The following NTM variants were observed in gnomAD, a reference collection of about 807,000 sequenced individuals.
NTM encodes IgLON family member 2.
NTM carries 13 observed loss-of-function variants against 42.1 expected under a neutral mutation model. The observed-to-expected ratio is 0.31, with a 90% CI of 0.20 to 0.49. The LOEUF (loss-of-function observed/expected upper bound fraction) is 0.49, where lower values mean the gene tolerates loss of function less well. Ranked by LOEUF, NTM falls within the 20% of genes least tolerant of loss-of-function variation. The probability of loss-of-function intolerance (pLI) is 0.99; values close to 1 mark genes in which losing one functional copy is unlikely to be tolerated. For synonymous variants in NTM, 187 were observed against 179.2 expected (o/e 1.04, Z -0.35); for missense variants, 373 against 452.8 (o/e 0.82, Z 1.60).
At chr11:131,517,652 T>C (rs1482009522) in intron 1 of NTM, among the ~76,000 whole-genome samples, 1 of 152,258 alleles carries the variant, frequency 6.6e-6, no homozygotes, top group Non-Finnish European at 1.5e-5. Context: ...GTCTAGTTTC[T>C]TCTTTGTGTC....
intron 1 of NTM, among the ~76,000 whole-genome samples, chr11:131,728,607 G>T (rs1179972258): frequency 6.6e-6 from 1 of 152,162 alleles, no homozygotes. Context: ...TCCATTATTG[G>T]AACACTAAGC....
intron 2 of NTM, among the ~76,000 whole-genome samples, chr11:132,112,533 A>G (rs1435790937): frequency 6.6e-6 from 1 of 151,898 alleles, no homozygotes; most frequent in East Asian, 1.9e-4. Flanking sequence ...AGAAAACGAG[A>G]CTCCCAGTGG....
chr11:132,081,589 G>A (rs59768555), intron 2 of NTM, among the ~76,000 whole-genome samples: 40 of 152,026 alleles, frequency 2.6e-4, no homozygotes, highest in Admixed American at 6.5e-4. Flanking sequence ...AAAATTAGCC[G>A]GACGTGGTGG....
At chr11:131,729,207 A>T (rs2079327487) in intron 1 of NTM, among the ~76,000 whole-genome samples, 1 of 152,132 alleles carries the variant, frequency 6.6e-6, no homozygotes, top group Admixed American at 6.5e-5. Context: ...CACGTAAAAG[A>T]TGCCAAAGAG....
chr11:131,807,151 T>C (rs890619125), intron 1 of NTM, among the ~76,000 whole-genome samples: 1 of 152,180 alleles, frequency 6.6e-6, no homozygotes. Flanking sequence ...TGGCTGTGAC[T>C]GAAAGGAGTT....
At chr11:131,902,238 A>C (rs1367657620) in intron 1 of NTM, among the ~76,000 whole-genome samples, 1 of 152,250 alleles carries the variant, frequency 6.6e-6, no homozygotes, top group Admixed American at 6.5e-5. Flanking sequence ...TTTGGGTATT[A>C]GTTTAGCTAG....
chr11:132,079,636 G>A (rs2058776552), intron 2 of NTM, among the ~76,000 whole-genome samples: 2 of 152,084 alleles, frequency 1.3e-5, no homozygotes, highest in Admixed American at 1.3e-4. Flanking sequence ...AATAGAGTTA[G>A]GCTAACTCCT....
chr11:132,065,860 T>G (rs545019013), intron 2 of NTM, among the ~76,000 whole-genome samples: 1 of 152,344 alleles, frequency 6.6e-6, no homozygotes, highest in South Asian at 2.1e-4. Context: ...GTACAGAAAC[T>G]TATCTGTGAG....
chr11:132,008,180 G>A (rs553074066), intron 2 of NTM, among the ~76,000 whole-genome samples: 4 of 152,294 alleles, frequency 2.6e-5, no homozygotes, highest in Admixed American at 6.5e-5. Context: ...GTGGTGGACT[G>A]TTGTCTAAGA....
At chr11:131,917,610 C>T (rs1414259480) in intron 2 of NTM, among the ~76,000 whole-genome samples, 1 of 152,202 alleles carries the variant, frequency 6.6e-6, no homozygotes, top group Non-Finnish European at 1.5e-5. Context: ...CTCTGCTCAT[C>T]CTTTCTCTCT....
At chr11:131,414,996 C>T (rs2135782339) in intron 1 of NTM, among the ~76,000 whole-genome samples, 1 of 152,250 alleles carries the variant, frequency 6.6e-6, no homozygotes, top group South Asian at 2.1e-4. Flanking sequence ...CTAGTGTGAA[C>T]AATTGTGATG....
chr11:131,937,445 G>A (rs971868761), intron 2 of NTM, among the ~76,000 whole-genome samples: 6 of 152,196 alleles, frequency 3.9e-5, no homozygotes, highest in Non-Finnish European at 8.8e-5. Context: ...GACAGGTATT[G>A]GTGGGTGGGG....
intron 1 of NTM, among the ~76,000 whole-genome samples, chr11:131,512,947 A>T (rs1249483723): frequency 1.3e-5 from 2 of 151,056 alleles, no homozygotes; most frequent in Non-Finnish European, 2.9e-5. Context: ...CCGATTATTC[A>T]GTCCTACGCT....
rs566898617 is a variant in NTM at position 132,236,076 on chromosome 11, G to C, written c.526+23929G>C. ...GATAGTTTGAGCCAAATGGCTGTTT[G>C]CAAAATAAAGCCTATGCTTGAAAAT... On this transcript the variant is annotated intron_variant, in intron 4 of 8. Transcript: ENST00000683400. Among the ~76,000 whole-genome samples, 35 of 152,086 alleles carry C rather than the reference G, an allele frequency of 2.3e-4. No homozygotes were observed. The East Asian group carries it at 6.0e-3, about 26-fold the overall frequency.
intron 1 of NTM, among the ~76,000 whole-genome samples, chr11:131,477,782 T>C (rs1453968120): frequency 6.6e-6 from 1 of 151,738 alleles, no homozygotes; most frequent in East Asian, 1.9e-4. Flanking sequence ...CATGTATCAG[T>C]CTACTCCCTG....
intron 2 of NTM, among the ~76,000 whole-genome samples, chr11:132,039,863 A>G (rs536899707): frequency 6.6e-6 from 1 of 152,154 alleles, no homozygotes; most frequent in South Asian, 2.1e-4. Flanking sequence ...TACCATATTC[A>G]CCTCATCGAG....
In NTM at chr11:132,146,703, C is replaced by G. The variant is rs76072586; in HGVS notation, c.400+189C>G. 23,625 of 506,632 alleles carry G rather than the reference C, an allele frequency of 0.047. 891 individuals carry two copies. Among genetic ancestry groups the G allele is most frequent in the African/African-American group, 0.14 (7,331 of 51,994 alleles). The allele number at this position is 506,632 out of a possible 1,614,324, so 31.4% of individuals were successfully genotyped here. ...TTCCAGTCATTTTCATTGAGTGGAA[C>G]TAGGAATTGTTTTTTTCATTTTTGT... is the stretch of plus-strand genomic sequence containing the variant. On this transcript the variant is annotated intron_variant, in intron 3 of 8. Coordinates refer to ENST00000683400, the MANE Select transcript of NTM (RefSeq NM_001352005.2). The surrounding 1 kb of genome is among the most constrained non-coding windows in gnomAD (Gnocchi z 4.5).
At chr11:132,185,702 T>G (rs2138138313) in intron 3 of NTM, among the ~76,000 whole-genome samples, 1 of 152,306 alleles carries the variant, frequency 6.6e-6, no homozygotes, top group East Asian at 1.9e-4. Context: ...ATAATTATTT[T>G]TAAAAGATAT....
chr11:132,320,646 A>C (rs1158449577), intron 7 of NTM, among the ~76,000 whole-genome samples: 1 of 152,162 alleles, frequency 6.6e-6, no homozygotes, highest in Non-Finnish European at 1.5e-5. Flanking sequence ...CAAAGCAGCC[A>C]GAAAGCTCGA....
Sources: allele counts gnomAD v4.1 joint callset (sites outside exome capture counted in the v4.1 genomes callset), GRCh38; gene constraint gnomAD v4.1.1; non-coding constraint Gnocchi (gnomAD v3.1); transcripts MANE v1.5; gene names NCBI Gene and HGNC (gene_info 2026-07-23, HGNC 2026-07-21).